AMD1: variants seen among roughly 807,000 people sequenced by gnomAD.
AMD1 encodes S-adenosylmethionine decarboxylase proenzyme.
AMD1 carries 11 observed loss-of-function variants against 40.2 expected under a neutral mutation model. The ratio of observed to expected loss-of-function variants is 0.27; its 90% CI spans 0.17 to 0.45. AMD1 has a LOEUF of 0.45. Ranked by LOEUF, AMD1 falls within the 20% of genes least tolerant of loss-of-function variation. The pLI is 1.00. For missense variants in AMD1, 257 were observed against 410.2 expected, an observed-to-expected ratio of 0.63 and a Z score of 3.23; for synonymous variants, 121 against 130.8, an observed-to-expected ratio of 0.93 and a Z score of 0.51.
At chr6:110,884,073 C>G (rs942869408) in intron 1 of AMD1, among the ~76,000 whole-genome samples, 8 of 152,218 alleles carry the variant, frequency 5.3e-5, no homozygotes, top group African/African-American at 1.9e-4. Flanking sequence ...GCTTTGAAAA[C>G]TAGAATACAC....
At chr6:110,865,444 A>G in the AMD1 span, among the ~76,000 whole-genome samples, 1 of 152,242 alleles carries the variant, frequency 6.6e-6, no homozygotes, top group African/African-American at 2.4e-5. Flanking sequence ...CCCAGTCTGA[A>G]GCACAGTGGC....
At chr6:110,859,187 T>C in the AMD1 span, 311 of 890,826 alleles carry the variant, frequency 3.5e-4, 1 homozygote, top group Middle Eastern at 5.7e-3. Context: ...TCTCCCCGTC[T>C]GAGTTTCTGG....
chr6:110,890,891 TA>T (rs1157762225), intron 4 of AMD1: 8 of 152,212 alleles, frequency 5.3e-5, no homozygotes, highest in Non-Finnish European at 1.2e-4. Context: ...AAATATCAGA[TA>T]AAATATTTTT....
the AMD1 span, among the ~76,000 whole-genome samples, chr6:110,864,855 C>T: frequency 2.6e-5 from 4 of 152,212 alleles, no homozygotes; most frequent in South Asian, 2.1e-4. Context: ...AAATAACACA[C>T]AGATACCTTT....
chr6:110,887,716 GTT>G (rs1318290444), intron 2 of AMD1, 125 bp downstream of exon 2: 6 of 613,136 alleles, frequency 9.8e-6, no homozygotes, highest in Non-Finnish European at 1.6e-5. Context: ...TTGAGACGGA[GTT>G]TCAGTCACCC....
At position 110,895,604 on chromosome 6, in the gene AMD1, G is replaced by A. The variant is rs1205543209; in HGVS notation, c.*1988G>A. On this transcript the variant is annotated 3_prime_UTR_variant, in exon 9 of 9. Coordinates refer to ENST00000368885, the MANE Select transcript of AMD1 (RefSeq NM_001634.6). ...GTATGATAGAAGAGGGAAAGTTTTG[G>A]TGCCATAATTTCTCCTTTCACTGGT... 6.6e-6 allele frequency: 1 copy of A among 152,574 alleles called. No homozygotes were observed. Among genetic ancestry groups the A allele is most frequent in the African/African-American group, 2.4e-5 (1 of 41,432 alleles). 9.5% of individuals were successfully genotyped at this position (152,574 alleles called of 1,614,324 possible). A position where few individuals can be genotyped will look rare whatever the true frequency, so the allele number is the denominator to read the frequency against.
At chr6:110,871,929 C>T (rs1562331662), upstream of AMD1, among the ~76,000 whole-genome samples, 1 of 152,046 alleles carries the variant, frequency 6.6e-6, no homozygotes, top group Non-Finnish European at 1.5e-5. Flanking sequence ...ACAGGCATAG[C>T]CAAGAGCACT....
At chr6:110,857,758 T>C in the AMD1 span, among the ~76,000 whole-genome samples, 3 of 147,158 alleles carry the variant, frequency 2.0e-5, no homozygotes, top group African/African-American at 7.5e-5. Context: ...GGTATATATA[T>C]ATAGATGGTG....
chr6:110,878,388 C>G (rs2115275794), intron 1 of AMD1, among the ~76,000 whole-genome samples: 1 of 152,318 alleles, frequency 6.6e-6, no homozygotes, highest in South Asian at 2.1e-4. Context: ...CTAAACACTG[C>G]TTCCCTCTTG....
chr6:110,814,694 C>T, the AMD1 span: 1 of 565,076 alleles, frequency 1.8e-6, no homozygotes, highest in Non-Finnish European at 3.4e-6. Flanking sequence ...AGACTAGACC[C>T]CACAAACTCC....
chr6:110,866,701 T>C, the AMD1 span, among the ~76,000 whole-genome samples: 2 of 152,016 alleles, frequency 1.3e-5, no homozygotes, highest in African/African-American at 2.4e-5. Context: ...ATAAAGGAAC[T>C]CCTGTTTTTC....
the AMD1 span, among the ~76,000 whole-genome samples, chr6:110,822,285 T>G: frequency 6.6e-6 from 1 of 152,150 alleles, no homozygotes; most frequent in African/African-American, 2.4e-5. Context: ...AAAAGATCAT[T>G]TGAGACTGCT....
At chr6:110,877,931 G>A (rs1016468236) in intron 1 of AMD1, among the ~76,000 whole-genome samples, 74 of 152,206 alleles carry the variant, frequency 4.9e-4, no homozygotes, top group African/African-American at 1.8e-3. Context: ...AGGCTTAAAT[G>A]TCCAAAGAGA....
At chr6:110,815,313 C>T in the AMD1 span, 10 of 589,580 alleles carry the variant, frequency 1.7e-5, no homozygotes, top group African/African-American at 2.0e-4. Context: ...CCTCGGCGGC[C>T]ACAGCAGCCA....
At chr6:110,864,290 AAATT>A in the AMD1 span, 5 of 152,642 alleles carry the variant, frequency 3.3e-5, no homozygotes, top group African/African-American at 1.2e-4. Flanking sequence ...AATGACAAAA[AAATT>A]AAGAGTAAAT....
chr6:110,816,883 G>T, the AMD1 span, among the ~76,000 whole-genome samples: 1 of 152,090 alleles, frequency 6.6e-6, no homozygotes, highest in South Asian at 2.1e-4. Flanking sequence ...CCACCATGCC[G>T]GGCCCCACTT....
At position 110,874,890 on chromosome 6, in the gene AMD1, A is replaced by G; in HGVS notation, c.-216A>G. On this transcript the variant is annotated 5_prime_UTR_variant, in exon 1 of 9. Coordinates refer to ENST00000368885, the MANE Select transcript of AMD1 (RefSeq NM_001634.6). ...GAACTGTATCTGCCTCTATTTCCAA[A>G]AGACTCACGTTCAACTTTCGCTCAC... is the stretch of plus-strand genomic sequence containing the variant. 1 of 548,224 alleles carries G rather than the reference A, an allele frequency of 1.8e-6. No homozygotes were observed. The highest frequency in any genetic ancestry group is 3.2e-6 in the Non-Finnish European group (1 of 308,226). The allele number at this position is 548,224 out of a possible 1,614,324, so 34.0% of individuals were successfully genotyped here.
chr6:110,877,571 T>TA lies in AMD1; in HGVS notation c.110+2358dup. Among the ~76,000 whole-genome samples the TA allele has an allele frequency of 2.0e-5, 3 of 152,392 alleles. No homozygotes were observed. In the Middle Eastern group the frequency reaches 0.01, roughly 518 times the overall value. ...GTGATTAAGTGCATAGCCTCTGGAATAACAAGATTTGAATTCAAACAGCAT... is the reference window on the plus strand; with the variant it reads ...GTGATTAAGTGCATAGCCTCTGGAATAAACAAGATTTGAATTCAAACAGCAT... On this transcript the variant is annotated intron_variant, in intron 1 of 8. Coordinates refer to ENST00000368885, the MANE Select transcript of AMD1 (RefSeq NM_001634.6).
rs1554237996 is a variant in AMD1, at chr6:110,892,724, T to TA, written c.616-11_616-10insA. ...AAACCCTTGTTAAACTCGGTCTTTT[T>TA]CCCCCCCCAGGAGAGTGGAATTCGT... On this transcript the variant is annotated splice_polypyrimidine_tract_variant and intron_variant, in intron 6 of 8. Transcript: ENST00000368885. 1.2e-5 allele frequency: 19 copies of TA among 1,541,136 alleles called. 1 individual carries two copies. The highest frequency in any genetic ancestry group is 1.5e-5 in the Non-Finnish European group (17 of 1,125,324).
Sources: allele counts gnomAD v4.1 joint callset (sites outside exome capture counted in the v4.1 genomes callset), GRCh38; gene constraint gnomAD v4.1.1; transcripts MANE v1.5; gene names NCBI Gene and HGNC (gene_info 2026-07-23, HGNC 2026-07-21).